Variants in PCDH9 observed in about 807,000 individuals in gnomAD.
PCDH9 encodes protocadherin 9.
A neutral mutation model predicts 70.6 loss-of-function variants in PCDH9; 24 were observed. The observed-to-expected ratio is 0.34, with a 90% CI of 0.25 to 0.48. The LOEUF (loss-of-function observed/expected upper bound fraction) is 0.48, where lower values mean the gene tolerates loss of function less well. PCDH9 is among the 20% of genes least tolerant of loss of function. The probability of loss-of-function intolerance (pLI) is 0.99; values close to 1 mark genes in which losing one functional copy is unlikely to be tolerated. For missense variants in PCDH9, 1,281 were observed against 1,503.6 expected, an observed-to-expected ratio of 0.85 and a Z score of 2.45; for synonymous variants, 562 against 558.5, an observed-to-expected ratio of 1.01 and a Z score of -0.09.
intron 3 of PCDH9, among the ~76,000 whole-genome samples, chr13:66,843,887 G>A (rs1663601068): frequency 6.6e-6 from 1 of 152,150 alleles, no homozygotes; most frequent in Non-Finnish European, 1.5e-5. Flanking sequence ...GCCCTTTTGG[G>A]GTGATATCAT....
chr13:67,007,682 G>A (rs994795624), intron 2 of PCDH9, among the ~76,000 whole-genome samples: 8 of 152,108 alleles, frequency 5.3e-5, no homozygotes, highest in Admixed American at 1.3e-4. Flanking sequence ...CCTCATGTGC[G>A]TGCAGGTAAT....
intron 4 of PCDH9, among the ~76,000 whole-genome samples, chr13:66,453,980 A>T (rs887980140): frequency 5.3e-5 from 8 of 152,126 alleles, no homozygotes; most frequent in African/African-American, 1.9e-4. Flanking sequence ...TTTTAAATAC[A>T]TAATCAGTAA....
chr13:66,304,632 A>AT lies in PCDH9; in HGVS notation c.*22dup, dbSNP rs772620006. On this transcript the variant is annotated 3_prime_UTR_variant, in exon 5 of 5. Transcript: ENST00000377865. ...GGTATTAGCATGTCTATTTAAAGTT[A>AT]TTAGGTCCCATATAGCCTTTTCTTA... 6 of 1,595,796 alleles carry AT rather than the reference A, an allele frequency of 3.8e-6. No homozygotes were observed. The African/African-American group carries it at 8.1e-5, about 21-fold the overall frequency.
chr13:66,473,164 T>A (rs931222539), intron 4 of PCDH9, among the ~76,000 whole-genome samples: 11 of 152,046 alleles, frequency 7.2e-5, no homozygotes, highest in Non-Finnish European at 1.5e-4. Context: ...TGATGCTAAA[T>A]CTTACAAAAG....
intron 3 of PCDH9, among the ~76,000 whole-genome samples, chr13:66,896,687 GT>G (rs2082185051): frequency 6.6e-6 from 1 of 152,084 alleles, no homozygotes; most frequent in African/African-American, 2.4e-5. Context: ...ATGTAGTCAT[GT>G]TTCTTAATAA....
intron 4 of PCDH9, among the ~76,000 whole-genome samples, chr13:66,542,080 G>C (rs1235619436): frequency 2.0e-5 from 3 of 152,132 alleles, no homozygotes; most frequent in Non-Finnish European, 2.9e-5. Context: ...TAAAACAGCA[G>C]ATGAGAAGCC....
chr13:66,668,909 T>C (rs184509746), intron 3 of PCDH9, among the ~76,000 whole-genome samples: 5 of 152,286 alleles, frequency 3.3e-5, no homozygotes, highest in Admixed American at 3.3e-4. Flanking sequence ...CTCAGGTTTG[T>C]TTTTAATAAT....
intron 2 of PCDH9, among the ~76,000 whole-genome samples, chr13:67,011,565 T>A (rs1010270339): frequency 2.6e-5 from 4 of 151,778 alleles, no homozygotes; most frequent in African/African-American, 4.8e-5. Context: ...CACCTACCCA[T>A]CACAGTAATG....
chr13:67,034,344 T>C (rs2084967847), intron 2 of PCDH9, among the ~76,000 whole-genome samples: 1 of 152,186 alleles, frequency 6.6e-6, no homozygotes, highest in African/African-American at 2.4e-5. Context: ...GTATGTATTA[T>C]ACATTATTTA....
At chr13:66,338,525 A>C (rs1593822698) in intron 4 of PCDH9, among the ~76,000 whole-genome samples, 1 of 152,116 alleles carries the variant, frequency 6.6e-6, no homozygotes, top group African/African-American at 2.4e-5. Context: ...TTTACTTTAT[A>C]AATTTAATTA....
At chr13:66,559,742 G>A (rs1206762377) in intron 4 of PCDH9, among the ~76,000 whole-genome samples, 1 of 145,370 alleles carries the variant, frequency 6.9e-6, no homozygotes, top group Non-Finnish European at 1.5e-5. Flanking sequence ...GGAGCTTGCA[G>A]TGAGCTGAGA....
intron 4 of PCDH9, among the ~76,000 whole-genome samples, chr13:66,445,683 T>C (rs1405880140): frequency 6.9e-6 from 1 of 145,096 alleles, no homozygotes; most frequent in East Asian, 2.0e-4. Flanking sequence ...TACACATATA[T>C]AATATATACA....
chr13:66,359,036 G>A (rs1956427671), intron 4 of PCDH9, among the ~76,000 whole-genome samples: 1 of 151,892 alleles, frequency 6.6e-6, no homozygotes, highest in South Asian at 2.1e-4. Flanking sequence ...ATTGGGCTTC[G>A]TTTTGGCTTC....
chr13:67,099,371 A>G (rs1179541362), intron 2 of PCDH9, among the ~76,000 whole-genome samples: 1 of 152,204 alleles, frequency 6.6e-6, no homozygotes, highest in Non-Finnish European at 1.5e-5. Context: ...GGATTTTTCA[A>G]TCTGCCATTC....
At chr13:66,803,798 AGT>A (rs1411970705) in intron 3 of PCDH9, among the ~76,000 whole-genome samples, 1 of 152,218 alleles carries the variant, frequency 6.6e-6, no homozygotes, top group Non-Finnish European at 1.5e-5. Context: ...TCCTTTGCTT[AGT>A]AAACTATTTT....
intron 2 of PCDH9, among the ~76,000 whole-genome samples, chr13:67,140,695 C>T (rs1452801287): frequency 2.0e-5 from 3 of 152,192 alleles, no homozygotes; most frequent in Non-Finnish European, 4.4e-5. Flanking sequence ...CTCCTCCACT[C>T]TACTGATCTC....
At chr13:66,894,707 C>T (rs1416199755) in intron 3 of PCDH9, among the ~76,000 whole-genome samples, 1 of 152,072 alleles carries the variant, frequency 6.6e-6, no homozygotes, top group Non-Finnish European at 1.5e-5. Flanking sequence ...ATATCCATTG[C>T]AAACATCCAA....
intron 2 of PCDH9, among the ~76,000 whole-genome samples, chr13:67,200,152 AC>A (rs1460812544): frequency 2.0e-5 from 3 of 152,088 alleles, no homozygotes; most frequent in African/African-American, 7.2e-5. Flanking sequence ...ACATGCTGGG[AC>A]TTTTAAATGG....
rs114521697 is a variant in PCDH9, at chr13:66,439,605, G to A, written c.3341-134577C>T. ...TAAATTATGCTGCTTGTTGCATGGT[G>A]AGCATCCAATAAATGGTAGCTGCCA... On this transcript the variant is annotated intron_variant, in intron 4 of 4. Coordinates refer to ENST00000377865, the MANE Select transcript of PCDH9 (RefSeq NM_203487.3). Among the ~76,000 whole-genome samples, 432 of 152,240 alleles carry A rather than the reference G, an allele frequency of 2.8e-3. 3 individuals carry two copies. The highest frequency in any genetic ancestry group is 9.8e-3 in the African/African-American group (408 of 41,552).
Sources: allele counts gnomAD v4.1 joint callset (sites outside exome capture counted in the v4.1 genomes callset), GRCh38; gene constraint gnomAD v4.1.1; transcripts MANE v1.5; gene names NCBI Gene and HGNC (gene_info 2026-07-23, HGNC 2026-07-21).